Variants in RBFOX1 observed in about 807,000 individuals in gnomAD.
The protein encoded by RBFOX1 is RNA binding fox-1 homolog 1, also known as RNA binding protein fox-1 homolog 1.
RBFOX1 carries 8 observed loss-of-function variants against 57.7 expected under a neutral mutation model. That is an observed-to-expected ratio of 0.14 (90% CI 0.08 to 0.25). The LOEUF is 0.25. RBFOX1 is among the 10% of genes least tolerant of loss of function. The pLI, the probability that RBFOX1 is intolerant of heterozygous loss-of-function variation, is 1.00. For synonymous variants in RBFOX1, 326 were observed against 222.4 expected (o/e 1.47, Z -4.15); for missense variants, 611 against 548.5 (o/e 1.11, Z -1.14).
chr16:6,036,518 A>G (rs768244696), intron 1 of RBFOX1, among the ~76,000 whole-genome samples: 1 of 152,180 alleles, frequency 6.6e-6, no homozygotes, highest in Non-Finnish European at 1.5e-5. Context: ...TCACTTAGAT[A>G]GTTTTTAAGT....
chr16:7,331,018 C>T (rs1047841211), intron 4 of RBFOX1, among the ~76,000 whole-genome samples: 2 of 152,134 alleles, frequency 1.3e-5, no homozygotes, highest in African/African-American at 4.8e-5. Context: ...AATTGTACAA[C>T]GTGGCCACTT....
At chr16:6,804,389 G>A (rs1395893165) in intron 3 of RBFOX1, among the ~76,000 whole-genome samples, 1 of 152,082 alleles carries the variant, frequency 6.6e-6, no homozygotes, top group Admixed American at 6.6e-5. Flanking sequence ...GATCCCTAAT[G>A]CCCCATCTAG....
chr16:5,906,469 C>A (rs536084977), intron 4 of RBFOX1, among the ~76,000 whole-genome samples: 31 of 152,264 alleles, frequency 2.0e-4, no homozygotes, highest in African/African-American at 7.5e-4. Context: ...TCAGAAGGAA[C>A]CAAACCTGCC....
chr16:6,776,495 A>G (rs575721487), intron 3 of RBFOX1, among the ~76,000 whole-genome samples: 1 of 152,200 alleles, frequency 6.6e-6, no homozygotes, highest in Non-Finnish European at 1.5e-5. Flanking sequence ...TAAAGTGCAT[A>G]CAATTAAAAC....
At chr16:7,345,594 CAT>C (rs2145591512) in intron 4 of RBFOX1, among the ~76,000 whole-genome samples, 1 of 152,246 alleles carries the variant, frequency 6.6e-6, no homozygotes, top group South Asian at 2.1e-4. Flanking sequence ...GTTCACCCAT[CAT>C]ACAGAACGCC....
intron 1 of RBFOX1, among the ~76,000 whole-genome samples, chr16:6,156,238 C>G (rs1450003110): frequency 6.6e-6 from 1 of 152,200 alleles, no homozygotes. Flanking sequence ...AATGTGCAGA[C>G]ACTGTCCGTC....
chr16:6,993,576 G>A (rs948789242), intron 3 of RBFOX1, among the ~76,000 whole-genome samples: 3 of 152,290 alleles, frequency 2.0e-5, no homozygotes. Flanking sequence ...GGAGGCAAGA[G>A]TGGTGCTGCA....
chr16:6,151,849 T>C (rs879681367), intron 1 of RBFOX1, among the ~76,000 whole-genome samples: 11 of 152,200 alleles, frequency 7.2e-5, no homozygotes, highest in Non-Finnish European at 1.3e-4. Context: ...CTGCATTTAA[T>C]GGTTCTTTTG....
chr16:6,737,696 C>A (rs571616518), intron 3 of RBFOX1, among the ~76,000 whole-genome samples: 1 of 152,034 alleles, frequency 6.6e-6, no homozygotes, highest in African/African-American at 2.4e-5. Flanking sequence ...TCAAAATGTC[C>A]CAGAGCCTTA....
chr16:5,885,376 A>G (rs903229270), intron 4 of RBFOX1, among the ~76,000 whole-genome samples: 5 of 152,130 alleles, frequency 3.3e-5, no homozygotes, highest in South Asian at 2.1e-4. Context: ...AAATCATCCA[A>G]TCTGCCATCT....
intron 3 of RBFOX1, among the ~76,000 whole-genome samples, chr16:5,857,840 G>T (rs1411310674): frequency 1.3e-5 from 2 of 152,070 alleles, no homozygotes; most frequent in Non-Finnish European, 2.9e-5. Context: ...CAGTTAACTG[G>T]GGAGGCTGAG....
chr16:7,504,895 C>T (rs932898110), intron 4 of RBFOX1, among the ~76,000 whole-genome samples: 5 of 145,846 alleles, frequency 3.4e-5, no homozygotes. Flanking sequence ...GTATTAATAA[C>T]AGGCAATAAT....
At chr16:5,266,240 G>A in intron 1 of RBFOX1, among the ~76,000 whole-genome samples, 1 of 152,222 alleles carries the variant, frequency 6.6e-6, no homozygotes, top group Non-Finnish European at 1.5e-5. Flanking sequence ...TGTATGTGTG[G>A]GGGTTCCCTG....
At chr16:6,398,390 C>A (rs1194906591) in intron 2 of RBFOX1, among the ~76,000 whole-genome samples, 1 of 152,094 alleles carries the variant, frequency 6.6e-6, no homozygotes, top group Non-Finnish European at 1.5e-5. Flanking sequence ...CTTCTTCCAC[C>A]ATTAACCCAA....
At chr16:6,241,978 G>A (rs776109463) in intron 1 of RBFOX1, among the ~76,000 whole-genome samples, 2 of 152,140 alleles carry the variant, frequency 1.3e-5, no homozygotes, top group African/African-American at 4.8e-5. Flanking sequence ...AGTCAATGTT[G>A]TGAAACAGAA....
intron 4 of RBFOX1, among the ~76,000 whole-genome samples, chr16:5,953,003 C>T (rs548252650): frequency 6.6e-6 from 1 of 151,688 alleles, no homozygotes; most frequent in Non-Finnish European, 1.5e-5. Context: ...TTTGGAAATA[C>T]AATGGCAGCA....
At chr16:5,456,065 A>G (rs1338082735) in intron 1 of RBFOX1, among the ~76,000 whole-genome samples, 1 of 152,126 alleles carries the variant, frequency 6.6e-6, no homozygotes, top group African/African-American at 2.4e-5. Flanking sequence ...AATACACAAG[A>G]AGAAATAAAG....
intron 2 of RBFOX1, among the ~76,000 whole-genome samples, chr16:6,604,610 G>C (rs1024946900): frequency 6.6e-6 from 1 of 152,162 alleles, no homozygotes; most frequent in Non-Finnish European, 1.5e-5. Context: ...CTTAATTACT[G>C]TTGTATATGG....
chr16:5,354,723 T>C (rs188643964), intron 1 of RBFOX1, among the ~76,000 whole-genome samples: 29 of 152,302 alleles, frequency 1.9e-4, no homozygotes, highest in Middle Eastern at 3.4e-3. Flanking sequence ...GTCCTTCTGA[T>C]AGGACAAACG....
Sources: allele counts gnomAD v4.1 joint callset (sites outside exome capture counted in the v4.1 genomes callset), GRCh38; gene constraint gnomAD v4.1.1; transcripts MANE v1.5; gene names NCBI Gene and HGNC (gene_info 2026-07-23, HGNC 2026-07-21).